Variants in GAD2 observed in about 807,000 individuals in gnomAD.
GAD2 encodes 65 kDa glutamic acid decarboxylase.
A neutral mutation model predicts 80.1 loss-of-function variants in GAD2; 22 were observed. The observed-to-expected ratio is 0.27, with a 90% CI of 0.20 to 0.39. GAD2 has a LOEUF of 0.39. Ranked by LOEUF, GAD2 falls within the 10% of genes least tolerant of loss-of-function variation. The probability of loss-of-function intolerance (pLI) is 1.00; values close to 1 mark genes in which losing one functional copy is unlikely to be tolerated. For synonymous variants in GAD2, 274 were observed against 256.9 expected (o/e 1.07, Z -0.64); for missense variants, 624 against 738.4 (o/e 0.85, Z 1.80).
intron 7 of GAD2, among the ~76,000 whole-genome samples, chr10:26,238,423 G>C (rs945216818): frequency 6.6e-6 from 1 of 152,212 alleles, no homozygotes; most frequent in Non-Finnish European, 1.5e-5. Flanking sequence ...GTTGTCCACA[G>C]AGTGCTCAAA....
intron 8 of GAD2, among the ~76,000 whole-genome samples, chr10:26,262,965 T>TG (rs1845026826): frequency 1.3e-5 from 2 of 152,152 alleles, no homozygotes; most frequent in Admixed American, 1.3e-4. Flanking sequence ...TATACCTCCC[T>TG]GTCAGCTCTA....
intron 7 of GAD2, among the ~76,000 whole-genome samples, chr10:26,244,584 C>T (rs537795340): frequency 2.2e-4 from 34 of 152,166 alleles, no homozygotes; most frequent in African/African-American, 7.2e-4. Flanking sequence ...CATGCTACAA[C>T]ATGGATGAAC....
intron 7 of GAD2, among the ~76,000 whole-genome samples, chr10:26,231,985 CT>C (rs1844608056): frequency 6.6e-6 from 1 of 152,182 alleles, no homozygotes; most frequent in Non-Finnish European, 1.5e-5. Flanking sequence ...TGCAAAGTCC[CT>C]TTTACCAAGT....
chr10:26,219,348 GTT>G (rs755214842), intron 4 of GAD2, 72 bp downstream of exon 4: 1 of 1,038,480 alleles, frequency 9.6e-7, no homozygotes, highest in Admixed American at 2.9e-5. Flanking sequence ...TCTATAAAAT[GTT>G]TTGTTTGATG....
chr10:26,273,908 A>T (rs944964786), intron 11 of GAD2, among the ~76,000 whole-genome samples: 34 of 152,340 alleles, frequency 2.2e-4, no homozygotes, highest in African/African-American at 7.2e-4. Context: ...TAAACAACAG[A>T]AAAATCAGAA....
intron 8 of GAD2, among the ~76,000 whole-genome samples, chr10:26,268,342 C>A (rs971135380): frequency 6.6e-6 from 1 of 152,060 alleles, no homozygotes; most frequent in African/African-American, 2.4e-5. Flanking sequence ...GTGGCGGGCG[C>A]CTGTAGTCCC....
At chr10:26,289,792 CCT>C (rs1491539903) in intron 13 of GAD2, among the ~76,000 whole-genome samples, 5 of 137,004 alleles carry the variant, frequency 3.6e-5, no homozygotes, top group South Asian at 4.5e-4. Context: ...CTCCCCCCCA[CCT>C]TTTTTTTTTT....
At chr10:26,248,191 C>A (rs370983858) in intron 8 of GAD2, among the ~76,000 whole-genome samples, 5 of 152,300 alleles carry the variant, frequency 3.3e-5, no homozygotes, top group East Asian at 1.9e-4. Context: ...CAAATCAATA[C>A]ATGGTGGTTA....
chr10:26,300,258 G>T (rs1038974501), intron 15 of GAD2, among the ~76,000 whole-genome samples: 1 of 152,082 alleles, frequency 6.6e-6, no homozygotes, highest in Non-Finnish European at 1.5e-5. Context: ...CATTATTAAG[G>T]ATTATCTTTC....
Position 26,243,042 on chromosome 10 carries a change from A to AC in GAD2, c.841-2870dup, listed in dbSNP as rs8190665. Among the ~76,000 whole-genome samples, 624 of 133,840 alleles carry AC rather than the reference A, an allele frequency of 4.7e-3. 1 individual carries two copies. The highest frequency in any genetic ancestry group is 8.7e-3 in the African/African-American group (307 of 35,426). 87.8% of individuals were successfully genotyped at this position (133,840 alleles called of 152,430 possible). A position where few individuals can be genotyped will look rare whatever the true frequency, so the allele number is the denominator to read the frequency against. Reference sequence around the variant, plus strand: ...CAGGGCTCTGCCAAATGCACAAAAAACCCCCCCCCTTTTTTTGGTGGGGGA... The same window carrying AC: ...CAGGGCTCTGCCAAATGCACAAAAAACCCCCCCCCCTTTTTTTGGTGGGGGA... On this transcript the variant is annotated intron_variant, in intron 7 of 15. Coordinates refer to ENST00000376261, the MANE Select transcript of GAD2 (RefSeq NM_001134366.2).
intron 13 of GAD2, among the ~76,000 whole-genome samples, chr10:26,288,710 G>A (rs1161546276): frequency 2.6e-5 from 4 of 152,142 alleles, no homozygotes; most frequent in Non-Finnish European, 4.4e-5. Flanking sequence ...ATCATTCTTT[G>A]TGGCTTTTTT....
intron 12 of GAD2, among the ~76,000 whole-genome samples, chr10:26,285,151 T>C (rs548182633): frequency 1.3e-4 from 20 of 152,378 alleles, no homozygotes; most frequent in African/African-American, 4.8e-4. Context: ...ATACATCGTA[T>C]TTAATTTTTC....
At chr10:26,234,973 A>C (rs1203448269) in intron 7 of GAD2, among the ~76,000 whole-genome samples, 1 of 152,090 alleles carries the variant, frequency 6.6e-6, no homozygotes, top group African/African-American at 2.4e-5. Context: ...CCCTGGTTCA[A>C]GCGATTCTTC....
chr10:26,294,818 G>A lies in GAD2; in HGVS notation c.1584+1827G>A, dbSNP rs77817629. On this transcript the variant is annotated intron_variant, in intron 15 of 15. Coordinates refer to ENST00000376261, the MANE Select transcript of GAD2 (RefSeq NM_001134366.2). Reference sequence around the variant, plus strand: ...CAATAACAACGAGAATAGGGGGTGCGGGTGTCTGCTGTCATTTGAGAGGAA... The same window carrying A: ...CAATAACAACGAGAATAGGGGGTGCAGGTGTCTGCTGTCATTTGAGAGGAA... 2.0e-3 allele frequency among the ~76,000 whole-genome samples: 312 copies of A among 152,262 alleles called. 1 individual carries two copies. Among genetic ancestry groups the A allele is most frequent in the African/African-American group, 7.0e-3 (292 of 41,548 alleles).
intron 8 of GAD2, among the ~76,000 whole-genome samples, chr10:26,262,166 A>G (rs1264882872): frequency 1.3e-5 from 2 of 151,794 alleles, no homozygotes; most frequent in African/African-American, 2.4e-5. Context: ...AAAGAGCATT[A>G]TATGTTATTA....
At chr10:26,218,551 T>TCTCACACA (rs748110324) in intron 3 of GAD2, among the ~76,000 whole-genome samples, 2,147 of 118,796 alleles carry the variant, frequency 0.018, 37 homozygotes, top group African/African-American at 0.033. Context: ...TCTCTCTCTC[T>TCTCACACA]CACACACACA....
intron 7 of GAD2, among the ~76,000 whole-genome samples, chr10:26,240,527 T>A (rs929332758): frequency 2.0e-5 from 3 of 151,822 alleles, no homozygotes; most frequent in African/African-American, 7.3e-5. Context: ...AGATCAGGAG[T>A]TCGAGACCAG....
chr10:26,282,089 C>T (rs1845278694), intron 12 of GAD2, among the ~76,000 whole-genome samples: 2 of 151,602 alleles, frequency 1.3e-5, no homozygotes, highest in Admixed American at 6.6e-5. Flanking sequence ...AATACAGGCA[C>T]CCGCCACCAC....
At chr10:26,231,406 G>C (rs983496175) in intron 7 of GAD2, among the ~76,000 whole-genome samples, 9 of 152,210 alleles carry the variant, frequency 5.9e-5, no homozygotes, top group African/African-American at 1.7e-4. Flanking sequence ...CCATGACAAG[G>C]AAATAGATTG....
Sources: gnomAD v4.1 joint callset for allele counts (sites outside exome capture counted in the v4.1 genomes callset) on GRCh38, gnomAD v4.1.1 for gene constraint, MANE v1.5 for transcripts, NCBI Gene and HGNC (gene_info 2026-07-23, HGNC 2026-07-21) for gene names.